Variants in TAFA1 observed in about 807,000 individuals in gnomAD.
TAFA1 encodes chemokine-like protein TAFA-1.
A neutral mutation model predicts 18.5 loss-of-function variants in TAFA1; 4 were observed. The observed-to-expected ratio is 0.22, with a 90% CI of 0.11 to 0.49. The LOEUF (loss-of-function observed/expected upper bound fraction) is 0.49. TAFA1 is among the 20% of genes least tolerant of loss of function. TAFA1 has a pLI of 0.98. For missense variants in TAFA1, 147 were observed against 169.0 expected (o/e 0.87, Z 0.72); for synonymous variants, 56 against 55.2 (o/e 1.01, Z -0.06).
Position 68,083,410 on chromosome 3 carries a change from G to T in TAFA1, c.118+76666G>T, listed in dbSNP as rs529311983. ...TTCAAGTAAAATAATACATTAAAAG[G>T]ACGAGGGAAGAACTCCACAAAGTGA... On this transcript the variant is annotated intron_variant, in intron 2 of 4. Transcript: ENST00000478136. 2.0e-5 allele frequency among the ~76,000 whole-genome samples: 3 copies of T among 152,314 alleles called. No homozygotes were observed. The South Asian group carries it at 6.2e-4, about 32-fold the overall frequency.
intron 2 of TAFA1, among the ~76,000 whole-genome samples, chr3:68,158,833 G>A (rs753775188): frequency 6.6e-6 from 1 of 152,114 alleles, no homozygotes; most frequent in Admixed American, 6.5e-5. Context: ...ATTTTGTGAT[G>A]GAGGGCATTT....
intron 2 of TAFA1, among the ~76,000 whole-genome samples, chr3:68,372,610 C>T (rs533046728): frequency 1.6e-4 from 24 of 152,126 alleles, no homozygotes; most frequent in Admixed American, 1.1e-3. Flanking sequence ...TATGAAACTG[C>T]AGGTGAAGAA....
At chr3:68,058,145 T>C (rs1431873850) in intron 2 of TAFA1, among the ~76,000 whole-genome samples, 3 of 152,196 alleles carry the variant, frequency 2.0e-5, no homozygotes, top group African/African-American at 7.2e-5. Flanking sequence ...GTATAGATGC[T>C]AATAATCTAG....
At chr3:68,003,057 C>A (rs1704301935), upstream of TAFA1, among the ~76,000 whole-genome samples, 1 of 152,160 alleles carries the variant, frequency 6.6e-6, no homozygotes, top group African/African-American at 2.4e-5. Context: ...ACATGCAACA[C>A]CAACTAGAAC....
intron 2 of TAFA1, among the ~76,000 whole-genome samples, chr3:68,382,994 C>T (rs2070008424): frequency 6.6e-6 from 1 of 152,056 alleles, no homozygotes; most frequent in Non-Finnish European, 1.5e-5. Flanking sequence ...CCTGGTTTGG[C>T]TTTCAGCTTG....
At chr3:68,260,141 G>A (rs2067384364) in intron 2 of TAFA1, among the ~76,000 whole-genome samples, 1 of 152,100 alleles carries the variant, frequency 6.6e-6, no homozygotes, top group African/African-American at 2.4e-5. Context: ...AGAGTTTTTA[G>A]CATGAAGCGT....
At chr3:68,379,291 C>A (rs553043611) in intron 2 of TAFA1, among the ~76,000 whole-genome samples, 103 of 152,296 alleles carry the variant, frequency 6.8e-4, no homozygotes, top group African/African-American at 2.2e-3. Flanking sequence ...TGATTGTTCA[C>A]CACATGTATG....
chr3:68,523,723 G>T (rs1046019026), intron 3 of TAFA1, among the ~76,000 whole-genome samples: 7 of 152,130 alleles, frequency 4.6e-5, no homozygotes, highest in African/African-American at 1.7e-4. Flanking sequence ...TTATGGAAAA[G>T]ATTGTTTTTA....
chr3:68,450,828 T>C (rs1030029197), intron 3 of TAFA1, among the ~76,000 whole-genome samples: 2 of 152,134 alleles, frequency 1.3e-5, no homozygotes, highest in Non-Finnish European at 2.9e-5. Context: ...ATGTAGCAAG[T>C]GTTATGTAAT....
At chr3:68,208,995 C>CT (rs2066561752) in intron 2 of TAFA1, among the ~76,000 whole-genome samples, 1 of 151,934 alleles carries the variant, frequency 6.6e-6, no homozygotes, top group Admixed American at 6.6e-5. Flanking sequence ...GAACAACTGC[C>CT]ATTTCATGGA....
intron 2 of TAFA1, among the ~76,000 whole-genome samples, chr3:68,299,410 T>G (rs13434317): frequency 0.063 from 9,620 of 152,208 alleles, 472 homozygotes; most frequent in African/African-American, 0.13. Flanking sequence ...GAGTTCAAGA[T>G]GTGACTTGGG....
intron 2 of TAFA1, among the ~76,000 whole-genome samples, chr3:68,413,083 A>G (rs1018121159): frequency 7.2e-5 from 11 of 152,030 alleles, no homozygotes; most frequent in Admixed American, 6.5e-4. Flanking sequence ...CTGGTGTGAG[A>G]TGGTATCTCA....
chr3:67,995,683 G>A, the TAFA1 span, among the ~76,000 whole-genome samples: 2,033 of 152,262 alleles, frequency 0.013, 40 homozygotes, highest in African/African-American at 0.046. Flanking sequence ...GTTAGAAGAA[G>A]GGGACAAAGG....
intron 2 of TAFA1, among the ~76,000 whole-genome samples, chr3:68,384,592 A>G (rs1419710345): frequency 4.6e-5 from 7 of 152,000 alleles, no homozygotes; most frequent in Admixed American, 6.6e-5. Context: ...CAATTATGTG[A>G]TTGATTTTAG....
intron 2 of TAFA1, among the ~76,000 whole-genome samples, chr3:68,094,783 G>A (rs952072608): frequency 1.3e-5 from 2 of 152,124 alleles, no homozygotes; most frequent in African/African-American, 4.8e-5. Context: ...GTACTGAGTG[G>A]ATGTTAGTGT....
At chr3:68,525,604 G>T (rs934914864) in intron 3 of TAFA1, among the ~76,000 whole-genome samples, 1 of 152,190 alleles carries the variant, frequency 6.6e-6, no homozygotes, top group Non-Finnish European at 1.5e-5. Context: ...GCATATTCCA[G>T]AGATATTGGG....
At chr3:68,353,493 A>G (rs2069307911) in intron 2 of TAFA1, among the ~76,000 whole-genome samples, 1 of 152,044 alleles carries the variant, frequency 6.6e-6, no homozygotes, top group Non-Finnish European at 1.5e-5. Flanking sequence ...GAAGTTTTTG[A>G]TGCTTTAATG....
intron 2 of TAFA1, among the ~76,000 whole-genome samples, chr3:68,280,302 C>T (rs1344843182): frequency 6.6e-6 from 1 of 152,134 alleles, no homozygotes; most frequent in African/African-American, 2.4e-5. Context: ...CTCTGCTCAC[C>T]ACAACTCATT....
At chr3:67,999,232 T>C in the TAFA1 span, among the ~76,000 whole-genome samples, 1 of 149,964 alleles carries the variant, frequency 6.7e-6, no homozygotes, top group South Asian at 2.2e-4. Context: ...GAAAGTTCTC[T>C]TGAATAGTGC....
Sources: gnomAD v4.1 joint callset for allele counts (sites outside exome capture counted in the v4.1 genomes callset) on GRCh38, gnomAD v4.1.1 for gene constraint, MANE v1.5 for transcripts, NCBI Gene and HGNC (gene_info 2026-07-23, HGNC 2026-07-21) for gene names.